MR1: variants seen among roughly 807,000 people sequenced by gnomAD.
MR1 encodes the protein major histocompatibility complex, class I-related.
In MR1, 44 loss-of-function variants were observed where a neutral mutation model predicts 37.8. That is an observed-to-expected ratio of 1.16 (90% CI 0.91 to 1.50). The LOEUF is 1.50. Ranked by LOEUF, MR1 falls within the 40% of genes most tolerant of loss-of-function variation. The probability of loss-of-function intolerance (pLI) is 0.00; values close to 1 mark genes in which losing one functional copy is unlikely to be tolerated. For missense variants in MR1, 386 were observed against 419.1 expected, an observed-to-expected ratio of 0.92 and a Z score of 0.69; for synonymous variants, 153 against 155.8, an observed-to-expected ratio of 0.98 and a Z score of 0.13.
chr1:181,050,647 G>A, intron 3 of MR1: 2 of 281,856 alleles, frequency 7.1e-6, no homozygotes, highest in South Asian at 8.0e-5. Context: ...ACCACCAGTA[G>A]GAGTAAAAAT....
At position 181,052,335 on chromosome 1, in the gene MR1, A is replaced by T; in HGVS notation, c.705A>T (p.Thr235=). 1 of 1,614,204 alleles carries T rather than the reference A, an allele frequency of 6.2e-7. No individual in the cohort carries two copies. Among genetic ancestry groups the T allele is most frequent in the Non-Finnish European group, 8.5e-7 (1 of 1,180,028 alleles). Residue 235 remains threonine, a synonymous_variant, in exon 4 of 6, where the codon ACA becomes ACT. Coordinates refer to ENST00000367580, the MANE Select transcript of MR1 (RefSeq NM_001385161.1). The part of the protein sequence containing the change: ...HGFYPPEIYM[T]WMKNGEEIVQ... The stretch of plus-strand genomic sequence containing the variant: ...TTTACCCCCCAGAAATTTACATGAC[A>T]TGGATGAAAAACGGGGAAGAAATTG...
chr1:181,043,773 G>A (rs1190827747), intron 1 of MR1, among the ~76,000 whole-genome samples: 1 of 152,114 alleles, frequency 6.6e-6, no homozygotes, highest in Non-Finnish European at 1.5e-5. Flanking sequence ...ATACCTCTCA[G>A]GGCCTCTTGT....
Position 181,055,197 on chromosome 1 carries a change from A to T in MR1, c.986-28A>T, listed in dbSNP as rs1658547906. ...TGAGCTGTGAGGAAACATTCTTGTA[A>T]TCTGACTAAAAACCCCTTTCCTTTC... On this transcript the variant is annotated intron_variant, in intron 5 of 5. Coordinates refer to ENST00000367580, the MANE Select transcript of MR1 (RefSeq NM_001385161.1). 6 of 1,610,606 alleles carry T rather than the reference A, an allele frequency of 3.7e-6. No homozygotes were observed. In the African/African-American group the frequency reaches 4.0e-5, roughly 11 times the overall value.
Position 181,034,074 on chromosome 1 carries a change from C to T in MR1, c.67C>T (p.Arg23Trp), listed in dbSNP as rs769810016. 15 of 1,612,372 alleles carry T rather than the reference C, an allele frequency of 9.3e-6. No homozygotes were observed. Among genetic ancestry groups the T allele is most frequent in the African/African-American group, 2.7e-5 (2 of 74,804 alleles). Residue 23 changes from arginine to tryptophan, a missense_variant and splice_region_variant, in exon 1 of 6, where the codon CGG (arginine) becomes TGG (tryptophan). Transcript: ENST00000367580. Reference sequence around the variant, plus strand: ...GTTAATGGTGAAGCACAGCGATTCCCGTGAGTATCCCACGTCCTCTTCTCT... The same window carrying T: ...GTTAATGGTGAAGCACAGCGATTCCTGTGAGTATCCCACGTCCTCTTCTCT... ...IVLMVKHSDSRTHSLRYFRLG... is the reference protein window; with the variant it reads ...IVLMVKHSDSWTHSLRYFRLG...
chr1:181,044,710 A>G (rs1657758503), intron 1 of MR1, among the ~76,000 whole-genome samples: 1 of 152,184 alleles, frequency 6.6e-6, no homozygotes. Flanking sequence ...CCATCCTCCT[A>G]AAGGTGGACT....
At chr1:181,038,863 G>T (rs1291251682) in intron 1 of MR1, among the ~76,000 whole-genome samples, 1 of 151,910 alleles carries the variant, frequency 6.6e-6, no homozygotes. Context: ...GAGTGCAATG[G>T]CGTGATCCCG....
Position 181,053,655 on chromosome 1 carries a change from A to C in MR1, c.963A>C (p.Leu321=). Residue 321 remains leucine (L), a synonymous_variant, in exon 5 of 6, where the codon CTA becomes CTC. Transcript: ENST00000367580. ...TTGTGCTGGCTGGAGTTGGTGTTCT[A>C]GTCTGGAGAAGAAGGCCCCGAGGTG... is the stretch of plus-strand genomic sequence containing the variant. ...LVIVLAGVGV[L]VWRRRPREQN... 1 of 1,613,638 alleles carries C rather than the reference A, an allele frequency of 6.2e-7. No individual in the cohort carries two copies. The highest frequency in any genetic ancestry group is 8.5e-7 in the Non-Finnish European group (1 of 1,179,578).
intron 1 of MR1, among the ~76,000 whole-genome samples, chr1:181,036,572 T>A (rs568625547): frequency 6.6e-5 from 10 of 152,252 alleles, no homozygotes; most frequent in African/African-American, 2.4e-4. Flanking sequence ...TTGTGGGTCA[T>A]TACTCCAGGA....
At chr1:181,038,180 T>TACC (rs1558111525) in intron 1 of MR1, among the ~76,000 whole-genome samples, 1 of 152,188 alleles carries the variant, frequency 6.6e-6, no homozygotes, top group Non-Finnish European at 1.5e-5. Context: ...AAGTGAGACA[T>TACC]TGGCAACCTT....
Position 181,034,042 on chromosome 1 carries a change from T to C in MR1, c.35T>C (p.Ile12Thr), listed in dbSNP as rs1657144256. Residue 12 changes from isoleucine to threonine, a missense_variant, in exon 1 of 6, where the codon ATC (isoleucine) becomes ACC (threonine). Ile to Thr is a moderately conservative substitution (Grantham distance 89). Transcript: ENST00000367580. ...GELMAFLLPL[I>T]IVLMVKHSDS... ...CTGATGGCGTTCCTGTTACCTCTCA[T>C]CATTGTGTTAATGGTGAAGCACAGC... 6.2e-7 allele frequency: 1 copy of C among 1,613,208 alleles called. No homozygotes were observed. The highest frequency in any genetic ancestry group is 1.7e-5 in the Admixed American group (1 of 59,724).
chr1:181,052,758 C>A (rs1024555783), intron 4 of MR1, among the ~76,000 whole-genome samples: 3 of 152,188 alleles, frequency 2.0e-5, no homozygotes, highest in Non-Finnish European at 2.9e-5. Flanking sequence ...TACTACATTA[C>A]AAATTAAAAA....
At chr1:181,036,734 T>G (rs1166622699) in intron 1 of MR1, among the ~76,000 whole-genome samples, 1 of 152,254 alleles carries the variant, frequency 6.6e-6, no homozygotes, top group African/African-American at 2.4e-5. Flanking sequence ...GAGGCTCTCC[T>G]TAAAGACAGA....
rs965772966 is a variant in MR1 at position 181,059,633 on chromosome 1, A to G, written c.*4368A>G. 9 of 153,856 alleles carry G rather than the reference A, an allele frequency of 5.8e-5. No homozygotes were observed. Among genetic ancestry groups the G allele is most frequent in the Admixed American group, 3.3e-4 (5 of 15,292 alleles). 9.5% of individuals were successfully genotyped at this position (153,856 alleles called of 1,614,324 possible). A position where few individuals can be genotyped will look rare whatever the true frequency, so the allele number is the denominator to read the frequency against. On this transcript the variant is annotated 3_prime_UTR_variant, in exon 6 of 6. Coordinates refer to ENST00000367580, the MANE Select transcript of MR1 (RefSeq NM_001385161.1). ...TGTGTGGGTTGGGCTTCCTCACAAC[A>G]TGGTGGCCTCAGGGCAGTCACTGCT...
At position 181,034,052 on chromosome 1, in the gene MR1, A is replaced by G; in HGVS notation, c.45A>G (p.Leu15=). Residue 15 remains leucine (L), a synonymous_variant, in exon 1 of 6, where the codon TTA becomes TTG. Transcript: ENST00000367580. ...TCCTGTTACCTCTCATCATTGTGTT[A>G]ATGGTGAAGCACAGCGATTCCCGTG... is the stretch of plus-strand genomic sequence containing the variant. ...MAFLLPLIIV[L]MVKHSDSRTH... 6.2e-7 allele frequency: 1 copy of G among 1,613,392 alleles called. No homozygotes were observed. The highest frequency in any genetic ancestry group is 8.5e-7 in the Non-Finnish European group (1 of 1,179,742).
intron 1 of MR1, among the ~76,000 whole-genome samples, chr1:181,047,469 C>T (rs1221342323): frequency 6.6e-6 from 1 of 152,108 alleles, no homozygotes; most frequent in Non-Finnish European, 1.5e-5. Flanking sequence ...CATGCTGGCA[C>T]ATACCTGTAA....
chr1:181,045,035 C>A (rs1311995125), intron 1 of MR1, among the ~76,000 whole-genome samples: 1 of 152,134 alleles, frequency 6.6e-6, no homozygotes, highest in Non-Finnish European at 1.5e-5. Flanking sequence ...ATACAAAGGG[C>A]AATCTCTCAA....
chr1:181,051,999 T>C (rs557791712), intron 3 of MR1, among the ~76,000 whole-genome samples: 7 of 152,226 alleles, frequency 4.6e-5, no homozygotes, highest in Non-Finnish European at 1.0e-4. Flanking sequence ...TGTATGACTT[T>C]CCCCCCTTAG....
chr1:181,037,567 G>A (rs886105456), intron 1 of MR1, among the ~76,000 whole-genome samples: 5 of 152,256 alleles, frequency 3.3e-5, no homozygotes, highest in African/African-American at 9.6e-5. Context: ...GCTAAGAGCT[G>A]GAGGAAAGGA....
chr1:181,042,200 A>ATTTTT (rs373949499), intron 1 of MR1, among the ~76,000 whole-genome samples: 1 of 134,124 alleles, frequency 7.5e-6, no homozygotes, highest in African/African-American at 2.8e-5. Flanking sequence ...ATCAAAGATA[A>ATTTTT]TTTTTTTTTT....
Sources: allele counts gnomAD v4.1 joint callset (sites outside exome capture counted in the v4.1 genomes callset), GRCh38; gene constraint gnomAD v4.1.1; transcripts MANE v1.5; gene names NCBI Gene and HGNC (gene_info 2026-07-23, HGNC 2026-07-21).